MFAP5: variants seen among roughly 807,000 people sequenced by gnomAD.
The protein encoded by MFAP5 is microfibrillar-associated protein 5.
Under a neutral mutation model 30.1 loss-of-function variants are expected in MFAP5, and 19 were observed. The observed-to-expected ratio is 0.63, with a 90% CI of 0.44 to 0.93. The LOEUF (loss-of-function observed/expected upper bound fraction) is 0.93. Among genes scored for constraint, MFAP5 ranks in the 40% least tolerant of loss-of-function variants. The probability of loss-of-function intolerance (pLI) is 0.00; values close to 1 mark genes in which losing one functional copy is unlikely to be tolerated. For synonymous variants in MFAP5, 92 were observed against 72.9 expected, an observed-to-expected ratio of 1.26 and a Z score of -1.33; for missense variants, 210 against 221.3, an observed-to-expected ratio of 0.95 and a Z score of 0.32.
chr12:8,659,290 A>G (rs971115034), intron 3 of MFAP5, among the ~76,000 whole-genome samples: 1 of 151,612 alleles, frequency 6.6e-6, no homozygotes, highest in African/African-American at 2.4e-5. Context: ...CCTGGGTAAC[A>G]AGAGCGAAAC....
intron 3 of MFAP5, among the ~76,000 whole-genome samples, chr12:8,659,188 A>T (rs1162101439): frequency 6.6e-6 from 1 of 151,780 alleles, no homozygotes; most frequent in Non-Finnish European, 1.5e-5. Context: ...CATGCCTATA[A>T]TCCAAGCTAC....
At chr12:8,656,075 T>G (rs1253011216) in intron 3 of MFAP5, among the ~76,000 whole-genome samples, 1 of 151,230 alleles carries the variant, frequency 6.6e-6, no homozygotes, top group East Asian at 1.9e-4. Context: ...TTTTTTTTTT[T>G]TTTGAGACGG....
chr12:8,654,104 C>A (rs946241359), intron 6 of MFAP5, among the ~76,000 whole-genome samples: 1 of 136,518 alleles, frequency 7.3e-6, no homozygotes, highest in Non-Finnish European at 1.5e-5. Flanking sequence ...GCAGCCTGGA[C>A]GACAAGAGCA....
In MFAP5 at chr12:8,648,210, G is replaced by A; in HGVS notation, c.410-7C>T. ...ATCTGACGGCAAAGCTCATCTAGAA[G>A]AGAAGCAGAACATCATGGGAAGAGA... is the stretch of plus-strand genomic sequence containing the variant. On this transcript the variant is annotated splice_region_variant and splice_polypyrimidine_tract_variant and intron_variant, in intron 9 of 9. Coordinates refer to ENST00000359478, the MANE Select transcript of MFAP5 (RefSeq NM_003480.4). 1.9e-6 allele frequency: 3 copies of A among 1,603,384 alleles called. No individual in the cohort carries two copies. Among genetic ancestry groups the A allele is most frequent in the Non-Finnish European group, 2.6e-6 (3 of 1,170,392 alleles).
chr12:8,652,290 C>T (rs1390185832), intron 6 of MFAP5, among the ~76,000 whole-genome samples: 1 of 151,864 alleles, frequency 6.6e-6, no homozygotes, highest in African/African-American at 2.4e-5. Context: ...ACTAAAAATA[C>T]AAAACTTAGT....
At chr12:8,651,767 T>TTAG in intron 6 of MFAP5, 76 bp from the exon 7 acceptor site, 1 of 1,360,836 alleles carries the variant, frequency 7.3e-7, no homozygotes, top group South Asian at 1.2e-5. Flanking sequence ...ACTGCCTCAC[T>TTAG]TAGGACCTGC....
intron 3 of MFAP5, 93 bp downstream of exon 3, chr12:8,660,770 G>C: frequency 2.1e-6 from 2 of 959,990 alleles, no homozygotes; most frequent in Non-Finnish European, 3.1e-6. Flanking sequence ...TTTTTTGGCA[G>C]CGATAGATAA....
At chr12:8,651,406 A>G (rs1941834563) in intron 7 of MFAP5, among the ~76,000 whole-genome samples, 1 of 152,206 alleles carries the variant, frequency 6.6e-6, no homozygotes, top group Non-Finnish European at 1.5e-5. Context: ...TAACCACCAC[A>G]TAATGTGCAA....
intron 1 of MFAP5, 106 bp from the exon 2 acceptor site, chr12:8,662,212 G>C: frequency 2.2e-6 from 2 of 889,658 alleles, no homozygotes; most frequent in Non-Finnish European, 3.4e-6. Flanking sequence ...TGTCTTCCCA[G>C]AACTTTCTTC....
At position 8,647,508 on chromosome 12, in the gene MFAP5, T is replaced by C. The variant is rs769820791; in HGVS notation, c.*583A>G. On this transcript the variant is annotated 3_prime_UTR_variant, in exon 10 of 10. Coordinates refer to ENST00000359478, the MANE Select transcript of MFAP5 (RefSeq NM_003480.4). ...ATATATTGCTAGTAGGATTGTATAA[T>C]TCTTGACTGTGTTGCAGAATCTTAC... 2 of 152,372 alleles carry C rather than the reference T, an allele frequency of 1.3e-5. No individual in the cohort carries two copies. Among genetic ancestry groups the C allele is most frequent in the Admixed American group, 1.3e-4 (2 of 15,304 alleles). 9.4% of individuals were successfully genotyped at this position (152,372 alleles called of 1,614,324 possible). A position where few individuals can be genotyped will look rare whatever the true frequency, so the allele number is the denominator to read the frequency against.
In MFAP5 at chr12:8,662,788, G is replaced by A. The variant is rs1942195581; in HGVS notation, c.-164C>T. On this transcript the variant is annotated 5_prime_UTR_variant, in exon 1 of 10. Coordinates refer to ENST00000359478, the MANE Select transcript of MFAP5 (RefSeq NM_003480.4). ...CGCTGAAACAATGAGATGAGGGAGAGCAAGAAAGCCAGGCTAGGCGTAGAA... is the reference window on the plus strand; with the variant it reads ...CGCTGAAACAATGAGATGAGGGAGAACAAGAAAGCCAGGCTAGGCGTAGAA... 1 of 152,330 alleles carries A rather than the reference G, an allele frequency of 6.6e-6. No homozygotes were observed. 9.4% of individuals were successfully genotyped at this position (152,330 alleles called of 1,614,324 possible). A position where few individuals can be genotyped will look rare whatever the true frequency, so the allele number is the denominator to read the frequency against.
intron 5 of MFAP5, among the ~76,000 whole-genome samples, chr12:8,655,084 C>T (rs1323074516): frequency 1.3e-5 from 2 of 152,080 alleles, no homozygotes; most frequent in African/African-American, 4.8e-5. Flanking sequence ...TCAAGACCAG[C>T]TCGGCCAACA....
chr12:8,652,597 T>C (rs899429312), intron 6 of MFAP5, among the ~76,000 whole-genome samples: 1 of 152,032 alleles, frequency 6.6e-6, no homozygotes, highest in African/African-American at 2.4e-5. Flanking sequence ...CCAGGAAAAA[T>C]GTCACTGGAA....
chr12:8,656,101 C>T (rs1432366243), intron 3 of MFAP5, among the ~76,000 whole-genome samples: 3 of 148,730 alleles, frequency 2.0e-5, no homozygotes, highest in Admixed American at 6.7e-5. Flanking sequence ...CGCTCTGTCG[C>T]CCAGGCTGGA....
intron 6 of MFAP5, among the ~76,000 whole-genome samples, chr12:8,653,215 GA>G (rs1390098494): frequency 6.7e-6 from 1 of 149,148 alleles, no homozygotes; most frequent in African/African-American, 2.4e-5. Context: ...AAAGAAAAAA[GA>G]AAAAGAAAAC....
At chr12:8,650,412 T>C in intron 8 of MFAP5, 90 bp downstream of exon 8, 1 of 1,330,076 alleles carries the variant, frequency 7.5e-7, no homozygotes, top group Non-Finnish European at 1.1e-6. Flanking sequence ...CATCAAAGTT[T>C]GCAATTCCAT....
At chr12:8,659,595 T>G (rs1942092502) in intron 3 of MFAP5, among the ~76,000 whole-genome samples, 1 of 152,176 alleles carries the variant, frequency 6.6e-6, no homozygotes, top group Non-Finnish European at 1.5e-5. Flanking sequence ...TGAAGTCTAG[T>G]CACATTCCTG....
At chr12:8,655,957 G>A (rs777440799) in intron 3 of MFAP5, 127 bp from the exon 4 acceptor site, 3 of 746,066 alleles carry the variant, frequency 4.0e-6, no homozygotes, top group Non-Finnish European at 6.9e-6. Flanking sequence ...GTTTTTCCTT[G>A]ACTGCTTACA....
intron 2 of MFAP5, among the ~76,000 whole-genome samples, 186 bp from the exon 3 acceptor site, chr12:8,661,084 A>G (rs767276128): frequency 6.6e-6 from 1 of 152,324 alleles, no homozygotes; most frequent in Admixed American, 6.5e-5. Context: ...AGGAATAGAA[A>G]GACTTCAGAA....
Sources: allele counts gnomAD v4.1 joint callset (sites outside exome capture counted in the v4.1 genomes callset), GRCh38; gene constraint gnomAD v4.1.1; transcripts MANE v1.5; gene names NCBI Gene and HGNC (gene_info 2026-07-23, HGNC 2026-07-21).